FAM222A: variants seen among roughly 807,000 people sequenced by gnomAD.
FAM222A encodes protein FAM222A.
A neutral mutation model predicts 25.8 loss-of-function variants in FAM222A; 7 were observed. That is an observed-to-expected ratio of 0.27 (90% CI 0.15 to 0.51). The LOEUF (loss-of-function observed/expected upper bound fraction) is 0.51, where lower values mean the gene tolerates loss of function less well. Ranked by LOEUF, FAM222A falls within the 20% of genes least tolerant of loss-of-function variation. The pLI is 0.97. For synonymous variants in FAM222A, 294 were observed against 298.8 expected (o/e 0.98, Z 0.17); for missense variants, 573 against 640.5 (o/e 0.89, Z 1.14).
intron 2 of FAM222A, among the ~76,000 whole-genome samples, chr12:109,751,022 C>G (rs2136358159): frequency 6.6e-6 from 1 of 152,238 alleles, no homozygotes; most frequent in Middle Eastern, 3.4e-3. Flanking sequence ...GTTTGCAGAT[C>G]CGAGGCTTGT....
chr12:109,765,886 C>T (rs927746617), intron 2 of FAM222A, among the ~76,000 whole-genome samples: 2 of 152,330 alleles, frequency 1.3e-5, no homozygotes, highest in South Asian at 2.1e-4. Context: ...TTAATACTCA[C>T]GCTCACAGAA....
chr12:109,724,047 TC>T (rs1887798359), intron 1 of FAM222A, among the ~76,000 whole-genome samples: 1 of 152,198 alleles, frequency 6.6e-6, no homozygotes, highest in Non-Finnish European at 1.5e-5. Context: ...CCCGGGGGCT[TC>T]CTGCAGGGTG....
chr12:109,732,192 C>T (rs1887960922), intron 1 of FAM222A, among the ~76,000 whole-genome samples: 3 of 152,238 alleles, frequency 2.0e-5, no homozygotes, highest in South Asian at 4.1e-4. Context: ...ACCCATGCTT[C>T]TGAGGCTCTG....
intron 2 of FAM222A, among the ~76,000 whole-genome samples, chr12:109,749,207 A>G (rs1440087676): frequency 6.6e-6 from 1 of 152,056 alleles, no homozygotes; most frequent in Admixed American, 6.6e-5. Context: ...CCTGGGTTCA[A>G]GTGATTCTTC....
intron 2 of FAM222A, 42 bp from the exon 3 acceptor site, chr12:109,767,942 CTCGTGAGCCCTGTGGGGAGAGGTTGGCA>C (rs1889103418): frequency 6.8e-7 from 1 of 1,465,724 alleles, no homozygotes; most frequent in Non-Finnish European, 9.3e-7. Flanking sequence ...GGGGGCGGGA[CTCGTGAGCCCTGTGGGGAGAGGTTGGCA>C]TGGCCTCCTG....
At chr12:109,724,307 G>T (rs1408107212) in intron 1 of FAM222A, among the ~76,000 whole-genome samples, 2 of 152,226 alleles carry the variant, frequency 1.3e-5, no homozygotes, top group Non-Finnish European at 2.9e-5. Flanking sequence ...GTGTGGAGTG[G>T]GCATTGCACA....
In FAM222A at chr12:109,769,258, T is replaced by C. The variant is rs907142663; in HGVS notation, c.1329T>C (p.His443=). 2 of 1,611,324 alleles carry C rather than the reference T, an allele frequency of 1.2e-6. No homozygotes were observed. The highest frequency in any genetic ancestry group is 2.7e-5 in the African/African-American group (2 of 74,888). ...TGCCCCGGCTACTCGACCACCAGCA[T>C]GCCCACATCCGCCTACCCGTCTACA... ...VAVPRLLDHQ[H]AHIRLPVYR The change falls in exon 3 of 3, where the codon CAT becomes CAC. Residue 443 remains histidine, a synonymous_variant. Transcript: ENST00000538780.
At chr12:109,765,712 A>G (rs1889030031) in intron 2 of FAM222A, among the ~76,000 whole-genome samples, 1 of 148,022 alleles carries the variant, frequency 6.8e-6, no homozygotes, top group African/African-American at 2.7e-5. Flanking sequence ...ATGCTTTAGA[A>G]GGTTGGGACA....
chr12:109,731,882 A>G (rs1887955777), intron 1 of FAM222A, among the ~76,000 whole-genome samples: 1 of 152,214 alleles, frequency 6.6e-6, no homozygotes, highest in Admixed American at 6.5e-5. Context: ...GTCCCAGCCC[A>G]GCTCTCTGTT....
chr12:109,765,086 A>G (rs1419130226), intron 2 of FAM222A, among the ~76,000 whole-genome samples: 1 of 152,118 alleles, frequency 6.6e-6, no homozygotes, highest in Non-Finnish European at 1.5e-5. Flanking sequence ...GGCAGAGGCA[A>G]ATAAGCCCAC....
intron 2 of FAM222A, among the ~76,000 whole-genome samples, chr12:109,757,354 G>T (rs1888760502): frequency 6.6e-6 from 1 of 152,180 alleles, no homozygotes; most frequent in East Asian, 1.9e-4. Context: ...GTTGGGGAAG[G>T]GGCTTGTCCT....
chr12:109,718,972 G>A (rs1887700165), intron 1 of FAM222A, among the ~76,000 whole-genome samples: 1 of 152,180 alleles, frequency 6.6e-6, no homozygotes, highest in Admixed American at 6.5e-5. Context: ...AACAAAAGAT[G>A]GGGTCTCTGT....
chr12:109,750,341 T>C (rs949820155), intron 2 of FAM222A, among the ~76,000 whole-genome samples: 7 of 152,224 alleles, frequency 4.6e-5, no homozygotes, highest in African/African-American at 1.4e-4. Flanking sequence ...ACATCAATTT[T>C]AATGATATGT....
chr12:109,744,653 T>C (rs2136346260), intron 2 of FAM222A: 5 of 985,484 alleles, frequency 5.1e-6, no homozygotes, highest in Non-Finnish European at 6.0e-6. Flanking sequence ...CTTCCCTCTC[T>C]GGCCTTGCTT....
intron 2 of FAM222A, among the ~76,000 whole-genome samples, chr12:109,748,020 CAGTT>C (rs1888450954): frequency 6.6e-6 from 1 of 152,170 alleles, no homozygotes; most frequent in Non-Finnish European, 1.5e-5. Context: ...GGCTTTGGGG[CAGTT>C]AGTTTATCAG....
intron 2 of FAM222A, among the ~76,000 whole-genome samples, chr12:109,752,072 C>T (rs932611078): frequency 6.6e-6 from 1 of 152,212 alleles, no homozygotes. Context: ...GCTGGACTGT[C>T]TCAAAGGGTC....
At chr12:109,739,320 G>A (rs1441781111) in intron 1 of FAM222A, among the ~76,000 whole-genome samples, 2 of 152,232 alleles carry the variant, frequency 1.3e-5, no homozygotes, top group East Asian at 1.9e-4. Context: ...GAGAGGTCAG[G>A]AACATTCATT....
At chr12:109,719,415 G>A (rs754083945) in intron 1 of FAM222A, among the ~76,000 whole-genome samples, 3 of 152,032 alleles carry the variant, frequency 2.0e-5, no homozygotes, top group Admixed American at 1.3e-4. Context: ...GGTTCCATTC[G>A]GTAAAACCAG....
chr12:109,741,163 C>T (rs1366460003), intron 1 of FAM222A, among the ~76,000 whole-genome samples: 1 of 152,106 alleles, frequency 6.6e-6, no homozygotes, highest in Non-Finnish European at 1.5e-5. Flanking sequence ...CCCCTCCCCA[C>T]TTCCCTCCTA....
Sources: allele counts gnomAD v4.1 joint callset (sites outside exome capture counted in the v4.1 genomes callset), GRCh38; gene constraint gnomAD v4.1.1; transcripts MANE v1.5; gene names NCBI Gene and HGNC (gene_info 2026-07-23, HGNC 2026-07-21).